DLGAP2: variants seen among roughly 807,000 people sequenced by gnomAD.
DLGAP2 encodes disks large-associated protein 2.
In DLGAP2, 26 loss-of-function variants were observed where a neutral mutation model predicts 100.3. The ratio of observed to expected loss-of-function variants is 0.26; its 90% CI spans 0.19 to 0.36. The LOEUF is 0.36. DLGAP2 is among the 10% of genes least tolerant of loss of function. The pLI, the probability that DLGAP2 is intolerant of heterozygous loss-of-function variation, is 1.00. For synonymous variants in DLGAP2, 886 were observed against 630.1 expected, an observed-to-expected ratio of 1.41 and a Z score of -6.08; for missense variants, 1,858 against 1,453.2, an observed-to-expected ratio of 1.28 and a Z score of -4.53.
At chr8:1,682,339 A>G (rs1209197138) in intron 12 of DLGAP2, among the ~76,000 whole-genome samples, 1 of 152,258 alleles carries the variant, frequency 6.6e-6, no homozygotes, top group African/African-American at 2.4e-5. Flanking sequence ...CTGTCATGGT[A>G]AGTCCTGGTT....
chr8:1,474,690 AGT>A (rs1563170763), intron 3 of DLGAP2, among the ~76,000 whole-genome samples: 18 of 152,206 alleles, frequency 1.2e-4, no homozygotes, highest in African/African-American at 3.9e-4. Flanking sequence ...ATCTCACATC[AGT>A]CAAAAATGGC....
chr8:1,026,520 T>C (rs926233918), intron 2 of DLGAP2, among the ~76,000 whole-genome samples: 6 of 152,236 alleles, frequency 3.9e-5, no homozygotes, highest in African/African-American at 1.4e-4. Flanking sequence ...TGCCAGTTTT[T>C]CTAATTATCT....
chr8:812,102 G>T (rs569592766), intron 1 of DLGAP2, among the ~76,000 whole-genome samples: 1 of 152,224 alleles, frequency 6.6e-6, no homozygotes, highest in Non-Finnish European at 1.5e-5. Context: ...CTCTGCAAGA[G>T]GGAGGGAAGG....
At chr8:824,761 C>T (rs147975539) in intron 1 of DLGAP2, among the ~76,000 whole-genome samples, 63 of 152,282 alleles carry the variant, frequency 4.1e-4, no homozygotes, top group African/African-American at 1.5e-3. Flanking sequence ...CCCTCATCAG[C>T]AGCAAAAGAA....
intron 1 of DLGAP2, among the ~76,000 whole-genome samples, chr8:868,394 T>C (rs934361786): frequency 1.3e-5 from 2 of 152,128 alleles, no homozygotes; most frequent in African/African-American, 4.8e-5. Context: ...GAGGTTTATC[T>C]ACAGAAAAAT....
At chr8:1,198,880 C>G (rs1202258478) in intron 2 of DLGAP2, among the ~76,000 whole-genome samples, 1 of 152,230 alleles carries the variant, frequency 6.6e-6, no homozygotes, top group Non-Finnish European at 1.5e-5. Context: ...CCACGCCTGC[C>G]TATGCAGGTG....
At chr8:988,981 G>A (rs947214613) in intron 2 of DLGAP2, among the ~76,000 whole-genome samples, 14 of 152,066 alleles carry the variant, frequency 9.2e-5, no homozygotes, top group African/African-American at 1.9e-4. Flanking sequence ...CCTCCTCTCC[G>A]TCGCTGCCTG....
At chr8:1,253,723 G>A (rs1410349314) in intron 2 of DLGAP2, among the ~76,000 whole-genome samples, 1 of 152,216 alleles carries the variant, frequency 6.6e-6, no homozygotes, top group Admixed American at 6.5e-5. Flanking sequence ...AATTAGCACA[G>A]ATCAGTGTGG....
intron 8 of DLGAP2, among the ~76,000 whole-genome samples, chr8:1,639,901 A>C (rs1312862988): frequency 6.6e-6 from 1 of 152,178 alleles, no homozygotes; most frequent in East Asian, 1.9e-4. Flanking sequence ...CACTGGGCCC[A>C]CTGGGATGAT....
intron 3 of DLGAP2, among the ~76,000 whole-genome samples, chr8:1,294,961 A>G (rs1027914479): frequency 6.6e-6 from 1 of 152,100 alleles, no homozygotes; most frequent in Non-Finnish European, 1.5e-5. Context: ...ATAAATTAAG[A>G]TTTTACAAGA....
chr8:1,439,773 A>G (rs116479757), intron 3 of DLGAP2, among the ~76,000 whole-genome samples: 2,095 of 151,752 alleles, frequency 0.014, 50 homozygotes, highest in African/African-American at 0.047. Context: ...CATCCCCCAG[A>G]CTGCTTCCGA....
intron 3 of DLGAP2, among the ~76,000 whole-genome samples, chr8:1,440,619 G>A (rs1797802517): frequency 6.6e-6 from 1 of 152,178 alleles, no homozygotes; most frequent in South Asian, 2.1e-4. Context: ...AAGACTCATG[G>A]GCTCTCCTGA....
At chr8:1,037,231 C>T (rs940407532) in intron 2 of DLGAP2, among the ~76,000 whole-genome samples, 8 of 152,186 alleles carry the variant, frequency 5.3e-5, no homozygotes, top group East Asian at 3.9e-4. Context: ...CCGAGCGCCC[C>T]GAGCTTTCCA....
intron 1 of DLGAP2, among the ~76,000 whole-genome samples, chr8:792,198 C>G (rs1463793352): frequency 1.3e-5 from 2 of 152,088 alleles, no homozygotes; most frequent in African/African-American, 4.8e-5. Flanking sequence ...ATGTAATCAC[C>G]ACTTATTATT....
chr8:1,131,472 G>A lies in DLGAP2; in HGVS notation c.74-127379G>A, dbSNP rs573932666. Among the ~76,000 whole-genome samples, 5 of 152,254 alleles carry A rather than the reference G, an allele frequency of 3.3e-5. No individual in the cohort carries two copies. In the East Asian group the frequency reaches 9.6e-4, roughly 29 times the overall value. The stretch of plus-strand genomic sequence containing the variant: ...GCTCTGGGCTCTTCACGTCTTATAA[G>A]TGGCTCATCCCACCTTGGGTTCTCC... On this transcript the variant is annotated intron_variant, in intron 2 of 14. Coordinates refer to ENST00000637795, the MANE Select transcript of DLGAP2 (RefSeq NM_001346810.2).
intron 3 of DLGAP2, among the ~76,000 whole-genome samples, chr8:1,260,900 T>C (rs950168666): frequency 1.3e-5 from 2 of 152,332 alleles, no homozygotes; most frequent in East Asian, 3.9e-4. Flanking sequence ...CCAGCACCAC[T>C]GACGTCAGGC....
At chr8:1,534,321 T>G (rs1348549813) in intron 4 of DLGAP2, among the ~76,000 whole-genome samples, 1 of 152,180 alleles carries the variant, frequency 6.6e-6, no homozygotes, top group Non-Finnish European at 1.5e-5. Flanking sequence ...TCAGGAATAA[T>G]GAGATTAGGT....
intron 3 of DLGAP2, among the ~76,000 whole-genome samples, chr8:1,280,134 G>T (rs1412088774): frequency 6.6e-6 from 1 of 152,162 alleles, no homozygotes; most frequent in African/African-American, 2.4e-5. Flanking sequence ...TGTGGCTTCA[G>T]GGGTCGCATA....
chr8:1,221,040 G>A (rs1442556057), intron 2 of DLGAP2, among the ~76,000 whole-genome samples: 2 of 152,152 alleles, frequency 1.3e-5, no homozygotes, highest in Non-Finnish European at 2.9e-5. Flanking sequence ...GTTGAGTCTT[G>A]CTTGTTTCTT....
Sources: gnomAD v4.1 joint callset for allele counts (sites outside exome capture counted in the v4.1 genomes callset) on GRCh38, gnomAD v4.1.1 for gene constraint, MANE v1.5 for transcripts, NCBI Gene and HGNC (gene_info 2026-07-23, HGNC 2026-07-21) for gene names.